WWC1: variants seen among roughly 807,000 people sequenced by gnomAD.
The protein encoded by WWC1 is WW and C2 domain containing 1, also known as protein KIBRA.
WWC1 carries 55 observed loss-of-function variants against 138.4 expected under a neutral mutation model. The ratio of observed to expected loss-of-function variants is 0.40; its 90% CI spans 0.32 to 0.50. WWC1 has a LOEUF of 0.50. Among genes scored for constraint, WWC1 ranks in the 20% least tolerant of loss-of-function variants. WWC1 has a pLI of 0.72. For synonymous variants in WWC1, 524 were observed against 564.9 expected, an observed-to-expected ratio of 0.93 and a Z score of 1.03; for missense variants, 1,226 against 1,420.4, an observed-to-expected ratio of 0.86 and a Z score of 2.20.
intron 1 of WWC1, among the ~76,000 whole-genome samples, chr5:168,331,508 G>A (rs72822629): frequency 0.11 from 16,991 of 152,196 alleles, 1,282 homozygotes; most frequent in Non-Finnish European, 0.15. Context: ...CTGAGAGTGA[G>A]TTAAGGGAAA....
intron 8 of WWC1, among the ~76,000 whole-genome samples, chr5:168,411,171 C>A (rs569652374): frequency 6.6e-6 from 1 of 152,154 alleles, no homozygotes; most frequent in African/African-American, 2.4e-5. Context: ...TTGTGATCCA[C>A]CCACCTCAGC....
At chr5:168,468,111 C>A in intron 22 of WWC1, 147 bp downstream of exon 22, 1 of 1,332,916 alleles carries the variant, frequency 7.5e-7, no homozygotes, top group African/African-American at 1.5e-5. Flanking sequence ...CCAAGCCATC[C>A]CTGGCGATCC....
chr5:168,428,172 G>A (rs548891842), intron 12 of WWC1, 31 bp downstream of exon 12: 2 of 1,595,326 alleles, frequency 1.3e-6, no homozygotes, highest in African/African-American at 2.7e-5. Context: ...TCTCTCTGTG[G>A]CCCTGTAAGC....
chr5:168,425,701 G>T (rs1423362087), intron 11 of WWC1, among the ~76,000 whole-genome samples: 1 of 151,304 alleles, frequency 6.6e-6, no homozygotes, highest in South Asian at 2.1e-4. Flanking sequence ...CTTTCACCAT[G>T]TTGGCCAGGC....
chr5:168,464,628 G>T (rs1234038333), intron 20 of WWC1, 101 bp from the exon 21 acceptor site: 1 of 1,511,594 alleles, frequency 6.6e-7, no homozygotes, highest in African/African-American at 1.4e-5. Flanking sequence ...CGGAAGGAGT[G>T]GATGCCTACA....
chr5:168,422,032 C>A lies in WWC1; in HGVS notation c.1209C>A (p.Asn403Lys), dbSNP rs1781129512. Residue 403 changes from asparagine (N) to lysine (K), a missense_variant, in exon 10 of 23, where the codon AAC becomes AAA. Physicochemically the swap from Asn to Lys is moderately conservative, Grantham distance 94 (BLOSUM62 0). Transcript: ENST00000265293. ...TERLKLNSKR[N>K]QLVRELEEAT... ...GGTTAAAGTTAAACAGTAAGAGGAACCAGCTTGTGAGAGAACTGGAGGAAG... is the reference window on the plus strand; with the variant it reads ...GGTTAAAGTTAAACAGTAAGAGGAAACAGCTTGTGAGAGAACTGGAGGAAG... 1 of 1,612,266 alleles carries A rather than the reference C, an allele frequency of 6.2e-7. No homozygotes were observed. Among genetic ancestry groups the A allele is most frequent in the Non-Finnish European group, 8.5e-7 (1 of 1,178,934 alleles).
intron 13 of WWC1, 40 bp downstream of exon 13, chr5:168,428,827 T>C: frequency 6.2e-7 from 1 of 1,606,572 alleles, no homozygotes; most frequent in Non-Finnish European, 8.5e-7. Context: ...GAACGGTCTG[T>C]GTGGGGTCCC....
chr5:168,417,621 T>C (rs1288376714), intron 9 of WWC1, among the ~76,000 whole-genome samples: 1 of 152,202 alleles, frequency 6.6e-6, no homozygotes, highest in Non-Finnish European at 1.5e-5. Context: ...CCTTCTGTTA[T>C]TGCCTTCAAC....
chr5:168,454,417 C>T (rs1259298885), intron 18 of WWC1, among the ~76,000 whole-genome samples: 1 of 152,184 alleles, frequency 6.6e-6, no homozygotes, highest in Non-Finnish European at 1.5e-5. Context: ...TGACTTCATC[C>T]TTCTCAAGCT....
intron 1 of WWC1, among the ~76,000 whole-genome samples, chr5:168,321,012 C>T (rs1411828253): frequency 1.3e-5 from 2 of 152,086 alleles, no homozygotes; most frequent in Non-Finnish European, 2.9e-5. Flanking sequence ...CCTTAAATTA[C>T]GGCAGTTAGC....
At position 168,451,351 on chromosome 5, in the gene WWC1, T is replaced by C. The variant is rs1288663905; in HGVS notation, c.2526-2617T>C. On this transcript the variant is annotated intron_variant, in intron 17 of 22. Transcript: ENST00000265293. ...ACCTGATTTTTAAGGGGCTGGAGAT[T>C]GTAACAGACACTTCACCTGGGAAGA... Among the ~76,000 whole-genome samples, 41 of 152,136 alleles carry C rather than the reference T, an allele frequency of 2.7e-4. 1 individual carries two copies. The highest frequency in any genetic ancestry group is 2.7e-3 in the Admixed American group (41 of 15,276).
chr5:168,377,886 A>AGTTT (rs1777338488), intron 2 of WWC1, among the ~76,000 whole-genome samples: 1 of 152,206 alleles, frequency 6.6e-6, no homozygotes, highest in Non-Finnish European at 1.5e-5. Flanking sequence ...TTTTCAAAGA[A>AGTTT]CTTAGAACTA....
intron 8 of WWC1, among the ~76,000 whole-genome samples, chr5:168,413,606 C>T (rs569128630): frequency 1.1e-4 from 16 of 152,298 alleles, no homozygotes; most frequent in African/African-American, 3.1e-4. Context: ...TACCAAAATG[C>T]TTTCTTGAGA....
rs1476980688 is a variant in WWC1, at chr5:168,291,695, G to A, written c.-458G>A. 1 of 152,868 alleles carries A rather than the reference G, an allele frequency of 6.5e-6. No homozygotes were observed. Among genetic ancestry groups the A allele is most frequent in the Non-Finnish European group, 1.5e-5 (1 of 68,054 alleles). The allele number at this position is 152,868 out of a possible 1,614,324, so 9.5% of individuals were successfully genotyped here. ...CACCGCCCGAGCCGCACCTGGCGGA[G>A]GCAGAAGTCACAAACCCGGCGAGCT... On this transcript the variant is annotated 5_prime_UTR_variant, in exon 1 of 23. Transcript: ENST00000265293.
intron 21 of WWC1, among the ~76,000 whole-genome samples, chr5:168,466,509 G>GT (rs1420412508): frequency 2.0e-5 from 3 of 152,230 alleles, no homozygotes; most frequent in African/African-American, 7.2e-5. Flanking sequence ...CTGAATACAG[G>GT]TGGTGATGCC....
chr5:168,379,236 A>G (rs1777441823), intron 2 of WWC1, among the ~76,000 whole-genome samples: 1 of 152,222 alleles, frequency 6.6e-6, no homozygotes, highest in South Asian at 2.1e-4. Context: ...AACAAGAACT[A>G]AAATGTAGTA....
chr5:168,390,124 G>A (rs192209056), intron 3 of WWC1, among the ~76,000 whole-genome samples: 2 of 152,220 alleles, frequency 1.3e-5, no homozygotes, highest in Admixed American at 6.5e-5. Flanking sequence ...CACAAGTTAT[G>A]CCACTTCTGT....
intron 20 of WWC1, among the ~76,000 whole-genome samples, chr5:168,461,908 T>C (rs1351784662): frequency 6.6e-6 from 1 of 151,520 alleles, no homozygotes; most frequent in Non-Finnish European, 1.5e-5. Context: ...AATACAAAAT[T>C]AGCTGGGCGT....
chr5:168,432,748 A>C (rs891067737), intron 15 of WWC1, among the ~76,000 whole-genome samples: 1 of 152,132 alleles, frequency 6.6e-6, no homozygotes, highest in African/African-American at 2.4e-5. Flanking sequence ...CTAAGATGTA[A>C]ACAAACTGTG....
Sources: gnomAD v4.1 joint callset for allele counts (sites outside exome capture counted in the v4.1 genomes callset) on GRCh38, gnomAD v4.1.1 for gene constraint, MANE v1.5 for transcripts, NCBI Gene and HGNC (gene_info 2026-07-23, HGNC 2026-07-21) for gene names.